The following GSG1L variants were observed in gnomAD, a reference collection of about 807,000 sequenced individuals.
The protein encoded by GSG1L is germ cell-specific gene 1-like protein.
Under a neutral mutation model 42.1 loss-of-function variants are expected in GSG1L, and 24 were observed. That is an observed-to-expected ratio of 0.57 (90% confidence interval 0.41 to 0.80). The LOEUF (loss-of-function observed/expected upper bound fraction) is 0.80, where lower values mean the gene tolerates loss of function less well. GSG1L is among the 30% of genes least tolerant of loss of function. The probability of loss-of-function intolerance (pLI) is 0.00; values close to 1 mark genes in which losing one functional copy is unlikely to be tolerated. For missense variants in GSG1L, 445 were observed against 472.2 expected (o/e 0.94, Z 0.53); for synonymous variants, 215 against 203.5 (o/e 1.06, Z -0.48).
intron 2 of GSG1L, among the ~76,000 whole-genome samples, chr16:27,923,770 AAGAG>A (rs1178395689): frequency 3.0e-3 from 399 of 133,978 alleles, no homozygotes; most frequent in Non-Finnish European, 4.0e-3. Context: ...GAAAGAAAGA[AAGAG>A]AGAGAGAGAA....
chr16:27,855,884 G>A (rs562950573), intron 3 of GSG1L, among the ~76,000 whole-genome samples: 38 of 152,142 alleles, frequency 2.5e-4, no homozygotes, highest in East Asian at 2.3e-3. Context: ...AGCCTACACC[G>A]GGTGCTCTGT....
At chr16:27,912,931 T>C (rs1325535808) in intron 2 of GSG1L, among the ~76,000 whole-genome samples, 3 of 152,136 alleles carry the variant, frequency 2.0e-5, no homozygotes, top group Non-Finnish European at 1.5e-5. Flanking sequence ...TGAACAGAAA[T>C]GGATAATGGC....
chr16:27,985,005 G>A (rs983846785), intron 1 of GSG1L, among the ~76,000 whole-genome samples: 3 of 152,014 alleles, frequency 2.0e-5, no homozygotes, highest in Admixed American at 6.6e-5. Context: ...CAGTCTTCCC[G>A]CCCCAGCCTC....
chr16:27,847,832 C>G (rs774639410), intron 3 of GSG1L, among the ~76,000 whole-genome samples: 1 of 152,216 alleles, frequency 6.6e-6, no homozygotes, highest in Non-Finnish European at 1.5e-5. Context: ...CCCCTTCGCC[C>G]TCTGCTGTGA....
intron 3 of GSG1L, among the ~76,000 whole-genome samples, chr16:27,880,247 A>C (rs2083936759): frequency 6.6e-6 from 1 of 152,190 alleles, no homozygotes; most frequent in Non-Finnish European, 1.5e-5. Context: ...AGCTCTCAGC[A>C]GCAGCCTCAA....
intron 6 of GSG1L, among the ~76,000 whole-genome samples, chr16:27,803,796 G>GATATAGAT (rs879523842): frequency 1.4e-5 from 1 of 73,828 alleles, no homozygotes; most frequent in African/African-American, 5.4e-5. Context: ...TATATATATA[G>GATATAGAT]ATAGATAGAT....
chr16:27,869,844 T>C (rs1221724892), intron 3 of GSG1L, among the ~76,000 whole-genome samples: 2 of 145,870 alleles, frequency 1.4e-5, no homozygotes, highest in Non-Finnish European at 3.0e-5. Context: ...TCCATCTCTC[T>C]CTCCATCTCT....
At chr16:28,024,517 G>A (rs1002633402) in intron 1 of GSG1L, among the ~76,000 whole-genome samples, 1 of 152,086 alleles carries the variant, frequency 6.6e-6, no homozygotes, top group Non-Finnish European at 1.5e-5. Flanking sequence ...CCGGAACAGC[G>A]GGAGAGAATT....
chr16:27,798,076 C>T (rs1027689129), intron 6 of GSG1L, among the ~76,000 whole-genome samples: 3 of 152,102 alleles, frequency 2.0e-5, no homozygotes, highest in African/African-American at 2.4e-5. Context: ...CTACAGGGTA[C>T]GTTGTTCACT....
intron 1 of GSG1L, among the ~76,000 whole-genome samples, chr16:27,963,911 G>A (rs1401975565): frequency 1.3e-5 from 2 of 152,192 alleles, no homozygotes; most frequent in African/African-American, 4.8e-5. Flanking sequence ...GAGATGATAA[G>A]TCACTGAAAG....
chr16:28,021,428 T>C (rs1007051805), intron 1 of GSG1L, among the ~76,000 whole-genome samples: 1 of 152,212 alleles, frequency 6.6e-6, no homozygotes, highest in African/African-American at 2.4e-5. Context: ...CTCCTATGGC[T>C]ACTTCCAAAA....
At chr16:27,924,718 G>C (rs575948358) in intron 2 of GSG1L, among the ~76,000 whole-genome samples, 138 of 152,202 alleles carry the variant, frequency 9.1e-4, no homozygotes, top group African/African-American at 3.2e-3. Context: ...AACTTAGAAG[G>C]AAAATATCTC....
chr16:27,879,497 C>T (rs1022077289), intron 3 of GSG1L, among the ~76,000 whole-genome samples: 4 of 152,150 alleles, frequency 2.6e-5, no homozygotes, highest in Non-Finnish European at 5.9e-5. Flanking sequence ...CACCTGTAGT[C>T]CCAGTTAGTC....
At chr16:27,872,368 A>G (rs1020614772) in intron 3 of GSG1L, among the ~76,000 whole-genome samples, 3 of 152,230 alleles carry the variant, frequency 2.0e-5, no homozygotes, top group Non-Finnish European at 2.9e-5. Context: ...GTCTAATAGC[A>G]AAGCCCATGA....
intron 2 of GSG1L, among the ~76,000 whole-genome samples, chr16:27,959,102 G>C (rs556582976): frequency 6.6e-6 from 1 of 152,102 alleles, no homozygotes; most frequent in East Asian, 1.9e-4. Flanking sequence ...GGAGTGATGA[G>C]AGTGTCTTAC....
At chr16:27,861,672 G>T (rs186560270) in intron 3 of GSG1L, among the ~76,000 whole-genome samples, 60 of 152,106 alleles carry the variant, frequency 3.9e-4, no homozygotes, top group African/African-American at 1.4e-3. Context: ...CTCACTTCCC[G>T]CCCCTCTTTC....
intron 3 of GSG1L, among the ~76,000 whole-genome samples, chr16:27,854,531 C>A (rs1019309906): frequency 6.6e-6 from 1 of 152,194 alleles, no homozygotes; most frequent in African/African-American, 2.4e-5. Context: ...ATGGTCCTTT[C>A]CCAGTCTGAG....
At chr16:28,005,287 A>G (rs1482474278) in intron 1 of GSG1L, among the ~76,000 whole-genome samples, 1 of 152,018 alleles carries the variant, frequency 6.6e-6, no homozygotes, top group Non-Finnish European at 1.5e-5. Flanking sequence ...CTAATTCTGT[A>G]TTTTTAGTAG....
chr16:27,983,932 G>A (rs1239148026), intron 1 of GSG1L, among the ~76,000 whole-genome samples: 2 of 152,104 alleles, frequency 1.3e-5, no homozygotes, highest in Non-Finnish European at 2.9e-5. Context: ...CCGCAGCAAG[G>A]TCTTTAAACG....
Sources: gnomAD v4.1 joint callset for allele counts (sites outside exome capture counted in the v4.1 genomes callset) on GRCh38, gnomAD v4.1.1 for gene constraint, MANE v1.5 for transcripts, NCBI Gene and HGNC (gene_info 2026-07-23, HGNC 2026-07-21) for gene names.